MGMT: variants seen among roughly 807,000 people sequenced by gnomAD.
The protein encoded by MGMT is methylated-DNA--protein-cysteine methyltransferase.
In MGMT, 14 loss-of-function variants were observed where a neutral mutation model predicts 15.9. That is an observed-to-expected ratio of 0.88 (90% CI 0.58 to 1.37). The LOEUF (loss-of-function observed/expected upper bound fraction) is 1.37. Among genes scored for constraint, MGMT ranks in the 40% most tolerant of loss-of-function variants. The probability of loss-of-function intolerance (pLI) is 0.00; values close to 1 mark genes in which losing one functional copy is unlikely to be tolerated. For missense variants in MGMT, 282 were observed against 268.1 expected (o/e 1.05, Z -0.36); for synonymous variants, 130 against 118.2 (o/e 1.10, Z -0.65).
intron 2 of MGMT, among the ~76,000 whole-genome samples, chr10:129,686,712 G>T (rs1008348150): frequency 7.2e-5 from 11 of 152,172 alleles, no homozygotes; most frequent in Admixed American, 6.5e-4. Flanking sequence ...GAGGTCACCT[G>T]TCCTGGACGG....
intron 2 of MGMT, among the ~76,000 whole-genome samples, chr10:129,561,301 A>G (rs761708298): frequency 5.3e-5 from 8 of 152,088 alleles, no homozygotes; most frequent in Non-Finnish European, 1.2e-4. Flanking sequence ...GCGGGCAGCG[A>G]CAGGGGTGGG....
chr10:129,476,638 G>T (rs937473618), intron 1 of MGMT, among the ~76,000 whole-genome samples: 36 of 152,124 alleles, frequency 2.4e-4, no homozygotes, highest in African/African-American at 8.0e-4. Flanking sequence ...AGGATGCTAG[G>T]ACCCATCGCC....
intron 3 of MGMT, among the ~76,000 whole-genome samples, chr10:129,757,093 G>A (rs1848815854): frequency 6.6e-6 from 1 of 152,200 alleles, no homozygotes; most frequent in Non-Finnish European, 1.5e-5. Context: ...AAAATCAGGT[G>A]CCTGATTGCT....
At position 129,556,050 on chromosome 10, in the gene MGMT, C is replaced by T. The variant is rs1846209379; in HGVS notation, c.125+19673C>T. ...ACCATCATCAGCTGTGAAATGTGGG[C>T]TTCCAAGTGGTTTTGTGTCTCCTCA... On this transcript the variant is annotated intron_variant, in intron 2 of 4. Coordinates refer to ENST00000651593, the MANE Select transcript of MGMT (RefSeq NM_002412.5). The surrounding 1 kb of genome is among the most constrained non-coding windows in gnomAD (Gnocchi z 4.3). Among the ~76,000 whole-genome samples, 1 of 152,184 alleles carries T rather than the reference C, an allele frequency of 6.6e-6. No homozygotes were observed. The highest frequency in any genetic ancestry group is 1.5e-5 in the Non-Finnish European group (1 of 68,044).
At chr10:129,495,094 T>C (rs981579497) in intron 1 of MGMT, among the ~76,000 whole-genome samples, 1 of 152,246 alleles carries the variant, frequency 6.6e-6, no homozygotes, top group African/African-American at 2.4e-5. Context: ...TTTCCTTGAC[T>C]CTGCAATGTT....
intron 2 of MGMT, 155 bp downstream of exon 2, chr10:129,536,532 C>G (rs897719980): frequency 6.8e-6 from 6 of 876,872 alleles, no homozygotes; most frequent in African/African-American, 3.4e-5. Context: ...CAGTGTGCTG[C>G]GACGGCTCCT....
intron 2 of MGMT, among the ~76,000 whole-genome samples, chr10:129,560,989 G>GTGTGTGTGTGCGTGTGCA (rs1554911328): frequency 5.3e-5 from 8 of 149,792 alleles, no homozygotes; most frequent in Non-Finnish European, 1.2e-4. Flanking sequence ...GTGTGTGTGT[G>GTGTGTGTGTGCGTGTGCA]TGTGTGTGTT....
intron 1 of MGMT, among the ~76,000 whole-genome samples, chr10:129,479,900 A>G (rs1845338619): frequency 6.6e-6 from 1 of 152,196 alleles, no homozygotes; most frequent in South Asian, 2.1e-4. Flanking sequence ...AGGGATCCCA[A>G]AGAGATTACC....
At chr10:129,729,220 C>T (rs560921432) in intron 3 of MGMT, among the ~76,000 whole-genome samples, 156 of 152,264 alleles carry the variant, frequency 1.0e-3, no homozygotes, top group Middle Eastern at 3.4e-3. Context: ...GGACAAACTT[C>T]GTGCCTCGTG....
At chr10:129,731,600 T>G (rs1326968901) in intron 3 of MGMT, among the ~76,000 whole-genome samples, 1 of 152,080 alleles carries the variant, frequency 6.6e-6, no homozygotes, top group African/African-American at 2.4e-5. Flanking sequence ...TTCACCATTT[T>G]GGCCAGGCTG....
At chr10:129,567,873 G>A (rs951923302) in intron 2 of MGMT, among the ~76,000 whole-genome samples, 25 of 152,240 alleles carry the variant, frequency 1.6e-4, no homozygotes, top group Admixed American at 2.6e-4. Context: ...TCTGACAGAG[G>A]TTTTTGCCGC....
At chr10:129,548,379 C>A (rs1846119661) in intron 2 of MGMT, among the ~76,000 whole-genome samples, 1 of 152,196 alleles carries the variant, frequency 6.6e-6, no homozygotes, top group Non-Finnish European at 1.5e-5. Flanking sequence ...TAGCCTCCTC[C>A]AAATAGTGGT....
At chr10:129,613,760 G>A (rs544490461) in intron 2 of MGMT, among the ~76,000 whole-genome samples, 1 of 152,308 alleles carries the variant, frequency 6.6e-6, no homozygotes, top group Admixed American at 6.5e-5. Flanking sequence ...TGTGCCTTGG[G>A]CGCCTCTGCC....
Position 129,767,419 on chromosome 10 carries a change from A to G in MGMT, c.*422A>G, listed in dbSNP as rs1008227520. The G allele has an allele frequency of 6.4e-5, 10 of 156,090 alleles. No individual in the cohort carries two copies. The highest frequency in any genetic ancestry group is 1.4e-4 in the Non-Finnish European group (10 of 70,888). 9.7% of individuals were successfully genotyped at this position (156,090 alleles called of 1,614,324 possible). On this transcript the variant is annotated 3_prime_UTR_variant, in exon 5 of 5. Transcript: ENST00000651593. ...CATGCCTCCCTTCCTGGCTGTGTCC[A>G]TGGCTGTGATGGCATTCTCCACTCA...
intron 2 of MGMT, among the ~76,000 whole-genome samples, chr10:129,677,679 G>A (rs1415782909): frequency 2.0e-5 from 3 of 152,230 alleles, no homozygotes; most frequent in Non-Finnish European, 2.9e-5. Flanking sequence ...TAGTCAGGGC[G>A]CACAGCCCAG....
intron 4 of MGMT, among the ~76,000 whole-genome samples, chr10:129,764,986 G>C (rs1198298526): frequency 6.6e-6 from 1 of 152,120 alleles, no homozygotes; most frequent in African/African-American, 2.4e-5. Context: ...CCTTCTACGT[G>C]TCGTGCCAGC....
chr10:129,615,418 G>C (rs1847013705), intron 2 of MGMT, among the ~76,000 whole-genome samples: 1 of 152,096 alleles, frequency 6.6e-6, no homozygotes, highest in Non-Finnish European at 1.5e-5. Flanking sequence ...ATTTTACTCA[G>C]ATCTCTGAGC....
intron 1 of MGMT, among the ~76,000 whole-genome samples, chr10:129,519,545 A>G (rs1304116374): frequency 2.6e-5 from 4 of 152,152 alleles, no homozygotes; most frequent in Non-Finnish European, 5.9e-5. Flanking sequence ...ACCTTTACGG[A>G]GTTCAGTGCC....
intron 2 of MGMT, 120 bp from the exon 3 acceptor site, chr10:129,707,775 C>A: frequency 7.5e-7 from 1 of 1,328,852 alleles, no homozygotes; most frequent in East Asian, 2.3e-5. Flanking sequence ...CTAGTTGAGA[C>A]GTGTGTGCCC....
Sources: allele counts gnomAD v4.1 joint callset (sites outside exome capture counted in the v4.1 genomes callset), GRCh38; gene constraint gnomAD v4.1.1; non-coding constraint Gnocchi (gnomAD v3.1); transcripts MANE v1.5; gene names NCBI Gene and HGNC (gene_info 2026-07-23, HGNC 2026-07-21).